SEMA4A: variants seen among roughly 807,000 people sequenced by gnomAD.
The protein encoded by SEMA4A is semaphorin-4A.
Under a neutral mutation model 72.5 loss-of-function variants are expected in SEMA4A, and 52 were observed. That is an observed-to-expected ratio of 0.72 (90% CI 0.57 to 0.90). SEMA4A has a LOEUF of 0.90. Ranked by LOEUF, SEMA4A falls within the 40% of genes least tolerant of loss-of-function variation. The pLI is 0.00. For synonymous variants in SEMA4A, 369 were observed against 393.1 expected (o/e 0.94, Z 0.73); for missense variants, 926 against 959.7 (o/e 0.96, Z 0.46).
chr1:156,163,701 A>AC (rs1653891740), intron 10 of SEMA4A, among the ~76,000 whole-genome samples: 2 of 146,568 alleles, frequency 1.4e-5, no homozygotes, highest in South Asian at 2.3e-4. Flanking sequence ...AGCCTGGGTG[A>AC]AAGAGTGAGA....
At chr1:156,159,020 C>G in intron 6 of SEMA4A, 196 bp downstream of exon 6, 1 of 438,048 alleles carries the variant, frequency 2.3e-6, no homozygotes, top group Non-Finnish European at 4.1e-6. Flanking sequence ...GGCAACACAG[C>G]GAGATCGTCT....
In SEMA4A at chr1:156,163,920, C is replaced by A. The variant is rs1486500711; in HGVS notation, c.1134+826C>A. 2.0e-5 allele frequency among the ~76,000 whole-genome samples: 3 copies of A among 151,074 alleles called. No individual in the cohort carries two copies. The East Asian group carries it at 5.9e-4, about 30-fold the overall frequency. On this transcript the variant is annotated intron_variant, in intron 10 of 14. Coordinates refer to ENST00000368285, the MANE Select transcript of SEMA4A (RefSeq NM_022367.4). ...GGTGGCATGTGCCTGTAATCAGCTA[C>A]TCAAGAGGCTGAGGTGGGAGGATCA...
upstream of SEMA4A, among the ~76,000 whole-genome samples, chr1:156,148,019 G>A (rs1652232263): frequency 6.6e-6 from 1 of 152,242 alleles, no homozygotes. Context: ...GGCCAGGGGA[G>A]GCCCCCAAAG....
Position 156,176,988 on chromosome 1 carries a change from G to C in SEMA4A, c.2277G>C (p.Glu759Asp), listed in dbSNP as rs748332857. The C allele has an allele frequency of 6.2e-7, 1 of 1,609,358 alleles. No homozygotes were observed. The highest frequency in any genetic ancestry group is 8.5e-7 in the Non-Finnish European group (1 of 1,180,004). The part of the protein sequence containing the change: ...VDADNNCLGT[E>D]VA Reference sequence around the variant, plus strand: ...CTGACAACAACTGCCTAGGCACTGAGGTAGCTTAAACTCTAGGCACAGGCC... The same window carrying C: ...CTGACAACAACTGCCTAGGCACTGACGTAGCTTAAACTCTAGGCACAGGCC... Residue 759 changes from glutamate (E) to aspartate (D), a missense_variant, in exon 15 of 15, where the codon GAG (glutamate) becomes GAC (aspartate). Coordinates refer to ENST00000368285, the MANE Select transcript of SEMA4A (RefSeq NM_022367.4).
upstream of SEMA4A, among the ~76,000 whole-genome samples, chr1:156,150,591 T>TTGCTTCTCTCCTGGCTCCAGGAGC (rs754642360): frequency 6.6e-6 from 1 of 151,072 alleles, no homozygotes; most frequent in African/African-American, 2.4e-5. Context: ...AAGCCAGGAG[T>TTGCTTCTCTCCTGGCTCCAGGAGC]TGCTTCTCTC....
chr1:156,159,188 T>G (rs142364549), intron 6 of SEMA4A, among the ~76,000 whole-genome samples: 2,729 of 151,716 alleles, frequency 0.018, 83 homozygotes, highest in African/African-American at 0.064. Flanking sequence ...ACAAAAATTA[T>G]CCAGGCGTGG....
At chr1:156,150,195 T>C (rs1176951376), upstream of SEMA4A, 1 of 152,146 alleles carries the variant, frequency 6.6e-6, no homozygotes, top group Non-Finnish European at 1.5e-5. Flanking sequence ...GGTCGGGCTA[T>C]TGTGTGTGAT....
rs1572393224 is a variant in SEMA4A at position 156,158,055 on chromosome 1, A to G, written c.301-15A>G. On this transcript the variant is annotated splice_polypyrimidine_tract_variant and intron_variant, in intron 3 of 14. Coordinates refer to ENST00000368285, the MANE Select transcript of SEMA4A (RefSeq NM_022367.4). ...TATTTCTTTTCATCTCGCCCTCCCA[A>G]CTCCCCACTTTCAGATACCGTGGCC... 1 of 1,613,812 alleles carries G rather than the reference A, an allele frequency of 6.2e-7. No homozygotes were observed. The highest frequency in any genetic ancestry group is 8.5e-7 in the Non-Finnish European group (1 of 1,179,838).
intron 10 of SEMA4A, among the ~76,000 whole-genome samples, chr1:156,172,298 T>A (rs1273829864): frequency 6.6e-6 from 1 of 151,944 alleles, no homozygotes; most frequent in South Asian, 2.1e-4. Flanking sequence ...GTATTTTTAG[T>A]GGAGACGGGG....
Position 156,177,122 on chromosome 1 carries a change from TGCTA to T in SEMA4A, c.*126_*129del. On this transcript the variant is annotated 3_prime_UTR_variant, in exon 15 of 15. Transcript: ENST00000368285. ...ACCTTTCTCCCCTGAGAGGAGCTTC[TGCTA>T]CTCTGCATCACTGATGACACTCAGC... 1 of 826,828 alleles carries T rather than the reference TGCTA, an allele frequency of 1.2e-6. No individual in the cohort carries two copies. Among genetic ancestry groups the T allele is most frequent in the Non-Finnish European group, 2.0e-6 (1 of 499,664 alleles). The allele number at this position is 826,828 out of a possible 1,614,324, so 51.2% of individuals were successfully genotyped here.
At chr1:156,173,271 G>T (rs963206797) in intron 11 of SEMA4A, among the ~76,000 whole-genome samples, 3 of 152,160 alleles carry the variant, frequency 2.0e-5, no homozygotes, top group Non-Finnish European at 4.4e-5. Flanking sequence ...TGTCTTATGA[G>T]GGAAGCTATG....
At chr1:156,150,523 T>C (rs79488990), upstream of SEMA4A, among the ~76,000 whole-genome samples, 1,612 of 152,128 alleles carry the variant, frequency 0.011, 30 homozygotes, top group African/African-American at 0.037. Context: ...TTCTGTGGGC[T>C]GCCCCTGAAG....
chr1:156,165,352 C>CT (rs564463822), intron 10 of SEMA4A, among the ~76,000 whole-genome samples: 368 of 149,180 alleles, frequency 2.5e-3, no homozygotes, highest in Non-Finnish European at 4.0e-3. Flanking sequence ...ATGGCTTCCT[C>CT]TTTTTTTTTT....
chr1:156,154,339 G>A, intron 1 of SEMA4A: 1 of 586,798 alleles, frequency 1.7e-6, no homozygotes, highest in Non-Finnish European at 3.1e-6. Flanking sequence ...CCTACCCATA[G>A]GGGACAGTGA....
chr1:156,172,155 T>C (rs1486005959), intron 10 of SEMA4A, among the ~76,000 whole-genome samples: 1 of 151,416 alleles, frequency 6.6e-6, no homozygotes, highest in African/African-American at 2.4e-5. Context: ...TCTCTCTCTG[T>C]CGCCCAGGTT....
At chr1:156,161,876 A>T (rs1191519078) in intron 9 of SEMA4A, among the ~76,000 whole-genome samples, 1 of 152,240 alleles carries the variant, frequency 6.6e-6, no homozygotes, top group Admixed American at 6.5e-5. Context: ...TTGTCATAAG[A>T]TGTAGGATAG....
In SEMA4A at chr1:156,157,540, G is replaced by C. The variant is rs1193194949; in HGVS notation, c.301-530G>C. Among the ~76,000 whole-genome samples the C allele has an allele frequency of 1.3e-5, 2 of 152,132 alleles. No individual in the cohort carries two copies. Among genetic ancestry groups the C allele is most frequent in the African/African-American group, 4.8e-5 (2 of 41,408 alleles). ...CAATGTGAGGAAGGAAGGAAGAAAG[G>C]GAGAGAAGGCACTAGCAATATTAGC... On this transcript the variant is annotated intron_variant, in intron 3 of 14. Transcript: ENST00000368285. The surrounding 1 kb of genome is among the most constrained non-coding windows in gnomAD (Gnocchi z 4.5).
chr1:156,154,810 G>T, intron 2 of SEMA4A, 93 bp downstream of exon 2: 2 of 1,427,022 alleles, frequency 1.4e-6, no homozygotes, highest in South Asian at 2.5e-5. Context: ...GGAGGAAATG[G>T]ATATGGAGAA....
At chr1:156,150,506 T>C (rs1185099106), upstream of SEMA4A, among the ~76,000 whole-genome samples, 2 of 152,030 alleles carry the variant, frequency 1.3e-5, no homozygotes, top group African/African-American at 2.4e-5. Flanking sequence ...TCCCCAGAAC[T>C]GGACTCTTCT....
Sources: gnomAD v4.1 joint callset for allele counts (sites outside exome capture counted in the v4.1 genomes callset) on GRCh38, gnomAD v4.1.1 for gene constraint, Gnocchi (gnomAD v3.1) non-coding constraint, MANE v1.5 for transcripts, NCBI Gene and HGNC (gene_info 2026-07-23, HGNC 2026-07-21) for gene names.